The following PATJ variants were observed in gnomAD, a reference collection of about 807,000 sequenced individuals.
The protein encoded by PATJ is PATJ crumbs cell polarity complex component.
Under a neutral mutation model 224.9 loss-of-function variants are expected in PATJ, and 190 were observed. The ratio of observed to expected loss-of-function variants is 0.84; its 90% CI spans 0.75 to 0.95. PATJ has a LOEUF of 0.95. PATJ is among the 40% of genes least tolerant of loss of function. The pLI is 0.00. For missense variants in PATJ, 2,121 were observed against 2,270.3 expected, an observed-to-expected ratio of 0.93 and a Z score of 1.34; for synonymous variants, 769 against 820.3, an observed-to-expected ratio of 0.94 and a Z score of 1.07.
chr1:61,843,532 G>T (rs1328760616), intron 17 of PATJ, among the ~76,000 whole-genome samples: 2 of 152,098 alleles, frequency 1.3e-5, no homozygotes, highest in Non-Finnish European at 2.9e-5. Flanking sequence ...GAGGCCAAGA[G>T]TTCAAGACCA....
At position 61,864,393 on chromosome 1, in the gene PATJ, T is replaced by A. The variant is rs1298166054; in HGVS notation, c.2595T>A (p.Asp865Glu). Residue 865 changes from aspartate (D) to glutamate (E), a missense_variant, in exon 20 of 44, where the codon GAT (aspartate) becomes GAA (glutamate). By Grantham distance (45) the Asp-to-Glu change is conservative (BLOSUM62 2). Transcript: ENST00000642238. The stretch of plus-strand genomic sequence containing the variant: ...TGACTCCTAGATTGCAGGAAATGGA[T>A]GAAGAAAGAGAAATTCTTGTTGATG... Reference protein sequence around the residue: ...EFLTPRLQEMDEEREILVDEE... With the variant: ...EFLTPRLQEMEEEREILVDEE... The A allele has an allele frequency of 6.2e-7, 1 of 1,613,974 alleles. No individual in the cohort carries two copies. The highest frequency in any genetic ancestry group is 8.5e-7 in the Non-Finnish European group (1 of 1,179,884).
chr1:61,782,393 T>C (rs1234662617), intron 7 of PATJ, among the ~76,000 whole-genome samples: 1 of 152,114 alleles, frequency 6.6e-6, no homozygotes, highest in Non-Finnish European at 1.5e-5. Flanking sequence ...TTAAGAAGGA[T>C]CTGAGACTTA....
chr1:62,052,040 T>C (rs1219300125), intron 31 of PATJ, among the ~76,000 whole-genome samples: 1 of 152,176 alleles, frequency 6.6e-6, no homozygotes, highest in Non-Finnish European at 1.5e-5. Context: ...GCTCATCATC[T>C]GCTTTTCTGT....
At chr1:62,081,810 G>A (rs533891872) in intron 32 of PATJ, among the ~76,000 whole-genome samples, 12 of 152,162 alleles carry the variant, frequency 7.9e-5, no homozygotes, top group African/African-American at 2.4e-4. Context: ...CAGGTGATCC[G>A]CCCACCTCAG....
intron 22 of PATJ, 24 bp from the exon 23 acceptor site, chr1:61,899,559 A>G: frequency 6.4e-7 from 1 of 1,556,972 alleles, no homozygotes; most frequent in Non-Finnish European, 8.8e-7. Context: ...AATTGTGTGT[A>G]TTTTTTTCTT....
intron 31 of PATJ, among the ~76,000 whole-genome samples, chr1:62,061,245 G>C (rs183925698): frequency 6.6e-6 from 1 of 151,762 alleles, no homozygotes; most frequent in Non-Finnish European, 1.5e-5. Flanking sequence ...ACAGTAGTGC[G>C]ATCTTGGCTC....
chr1:62,136,036 T>TTTG (rs1666824274), intron 41 of PATJ, among the ~76,000 whole-genome samples: 1 of 143,108 alleles, frequency 7.0e-6, no homozygotes, highest in Non-Finnish European at 1.5e-5. Context: ...TTTTTTTTTT[T>TTTG]TTTTTTTTGA....
chr1:61,974,555 A>G (rs1327630984), intron 27 of PATJ, among the ~76,000 whole-genome samples: 1 of 151,682 alleles, frequency 6.6e-6, no homozygotes, highest in East Asian at 1.9e-4. Flanking sequence ...GTGAGCTGAG[A>G]TCATGCCACT....
At chr1:61,933,924 G>A (rs553938100) in intron 27 of PATJ, among the ~76,000 whole-genome samples, 13 of 151,206 alleles carry the variant, frequency 8.6e-5, no homozygotes, top group African/African-American at 2.7e-4. Context: ...TTTCGCATTC[G>A]TAGTTGTTCC....
chr1:62,149,804 A>ATT (rs10557763), intron 42 of PATJ, among the ~76,000 whole-genome samples: 311 of 146,812 alleles, frequency 2.1e-3, no homozygotes, highest in Non-Finnish European at 4.2e-3. Flanking sequence ...TAACACTGGG[A>ATT]TTTTTTTTTT....
intron 33 of PATJ, among the ~76,000 whole-genome samples, chr1:62,090,087 A>C (rs555092419): frequency 4.6e-5 from 7 of 152,332 alleles, no homozygotes; most frequent in Admixed American, 1.3e-4. Context: ...TCTGGAGCCA[A>C]GACAGACGGT....
chr1:62,079,083 A>G lies in PATJ; in HGVS notation c.4126-367A>G, dbSNP rs553495586. ...GTGCACAACACAGATAAGTCACTTCAAAGTCCATAGATAAAGGGGCTTCTT... is the reference window on the plus strand; with the variant it reads ...GTGCACAACACAGATAAGTCACTTCGAAGTCCATAGATAAAGGGGCTTCTT... On this transcript the variant is annotated intron_variant, in intron 31 of 43. Transcript: ENST00000642238. Among the ~76,000 whole-genome samples the G allele has an allele frequency of 2.0e-5, 3 of 152,228 alleles. No homozygotes were observed. In the East Asian group the frequency reaches 5.8e-4, roughly 30 times the overall value.
intron 4 of PATJ, among the ~76,000 whole-genome samples, chr1:61,768,168 A>G (rs918422304): frequency 1.3e-5 from 2 of 152,144 alleles, no homozygotes; most frequent in Non-Finnish European, 2.9e-5. Flanking sequence ...GAATTTACCT[A>G]ATAAATAGAA....
intron 28 of PATJ, among the ~76,000 whole-genome samples, chr1:62,013,112 C>T (rs1426385078): frequency 6.6e-6 from 1 of 152,232 alleles, no homozygotes; most frequent in Non-Finnish European, 1.5e-5. Context: ...AGAAACAGAA[C>T]CGTGAAAGGC....
intron 25 of PATJ, among the ~76,000 whole-genome samples, chr1:61,911,884 A>G (rs1227232347): frequency 6.7e-6 from 1 of 149,604 alleles, no homozygotes; most frequent in Non-Finnish European, 1.5e-5. Context: ...AGGTACTAGC[A>G]CAGTGCCTCT....
intron 12 of PATJ, among the ~76,000 whole-genome samples, chr1:61,804,229 G>A (rs1467232978): frequency 6.6e-6 from 1 of 152,110 alleles, no homozygotes; most frequent in Non-Finnish European, 1.5e-5. Flanking sequence ...AGGTGCAAAG[G>A]TGCAGAGCCC....
chr1:61,807,482 A>C (rs1653830189), intron 13 of PATJ, among the ~76,000 whole-genome samples: 1 of 152,150 alleles, frequency 6.6e-6, no homozygotes, highest in Admixed American at 6.5e-5. Flanking sequence ...CTTCTGTTAA[A>C]ATTTTATTCT....
chr1:61,754,690 T>TC (rs1645534321), intron 1 of PATJ, among the ~76,000 whole-genome samples: 1 of 151,972 alleles, frequency 6.6e-6, no homozygotes. Context: ...TTAATCTTCT[T>TC]CCCTAGACAT....
chr1:61,973,163 G>A (rs1683206972), intron 27 of PATJ, among the ~76,000 whole-genome samples: 1 of 151,744 alleles, frequency 6.6e-6, no homozygotes, highest in Non-Finnish European at 1.5e-5. Context: ...ATATTATGCT[G>A]TACCCACTCT....
Sources: gnomAD v4.1 joint callset for allele counts (sites outside exome capture counted in the v4.1 genomes callset) on GRCh38, gnomAD v4.1.1 for gene constraint, MANE v1.5 for transcripts, NCBI Gene and HGNC (gene_info 2026-07-23, HGNC 2026-07-21) for gene names.